Variants in LCN15 observed in about 807,000 individuals in gnomAD.
LCN15 encodes the protein lipocalin-15.
In LCN15, 26 loss-of-function variants were observed where a neutral mutation model predicts 23.1. The observed-to-expected ratio is 1.13, with a 90% CI of 0.82 to 1.56. The LOEUF is 1.56. LCN15 is among the 40% of genes most tolerant of loss of function. LCN15 has a pLI of 0.00. For synonymous variants in LCN15, 107 were observed against 98.3 expected (o/e 1.09, Z -0.52); for missense variants, 241 against 239.5 (o/e 1.01, Z -0.04).
At position 136,762,418 on chromosome 9, in the gene LCN15, G is replaced by A. The variant is rs984444456; in HGVS notation, c.419-129C>T. 2.9e-5 allele frequency: 19 copies of A among 651,958 alleles called. 1 individual carries two copies. Among genetic ancestry groups the A allele is most frequent in the South Asian group, 2.9e-4 (16 of 55,642 alleles). 40.4% of individuals were successfully genotyped at this position (651,958 alleles called of 1,614,324 possible). ...ACCCTGGGTTGGGCAGGTTGTGCGC[G>A]GCATAAAGCTCCTGCCTGGCTGAAG... On this transcript the variant is annotated intron_variant, in intron 4 of 6. Transcript: ENST00000316144.
At position 136,760,829 on chromosome 9, in the gene LCN15, T is replaced by C. The variant is rs1588312803; in HGVS notation, c.*32+958A>G. 2.6e-5 allele frequency among the ~76,000 whole-genome samples: 4 copies of C among 152,276 alleles called. 1 individual carries two copies. Among genetic ancestry groups the C allele is most frequent in the Admixed American group, 2.6e-4 (4 of 15,294 alleles). On this transcript the variant is annotated intron_variant, in intron 6 of 6. Transcript: ENST00000316144. The stretch of plus-strand genomic sequence containing the variant: ...TACAGCGGGGACACAGAGCTGTGGA[T>C]TGAATCGTGTCCCCAAAACTTCAGG...
At chr9:136,763,316 T>A (rs758848297) in intron 4 of LCN15, 41 bp downstream of exon 4, 11 of 1,124,650 alleles carry the variant, frequency 9.8e-6, no homozygotes, top group Non-Finnish European at 1.3e-5. Context: ...CTGTGGGAAG[T>A]TGGGGAGGGG....
intron 1 of LCN15, 125 bp downstream of exon 1, chr9:136,764,268 C>T: frequency 1.0e-6 from 1 of 961,552 alleles, no homozygotes; most frequent in East Asian, 2.6e-5. Flanking sequence ...CAGAGTGGGT[C>T]TATAGCACGT....
intron 4 of LCN15, 60 bp from the exon 5 acceptor site, chr9:136,762,349 C>A: frequency 5.2e-6 from 5 of 960,754 alleles, no homozygotes; most frequent in South Asian, 1.4e-5. Flanking sequence ...CACGGGGTCT[C>A]CTGGCCTCAC....
chr9:136,764,443 G>A lies in LCN15; in HGVS notation c.46C>T (p.Pro16Ser). The change falls in exon 1 of 7, where the codon CCC becomes TCC. Residue 16 changes from proline to serine, a missense_variant. Transcript: ENST00000316144. Reference protein sequence around the residue: ...LGAILTLLWAPTAQAEVLLQP... With the variant: ...LGAILTLLWASTAQAEVLLQP... ...AGCAGAACCTCAGCCTGAGCCGTGG[G>A]CGCCCAGAGCAGGGTCAGGATTGCG... The A allele has an allele frequency of 6.2e-7, 1 of 1,613,308 alleles. No individual in the cohort carries two copies. The highest frequency in any genetic ancestry group is 8.5e-7 in the Non-Finnish European group (1 of 1,179,814).
intron 4 of LCN15, 107 bp from the exon 5 acceptor site, chr9:136,762,396 C>G (rs907002371): frequency 7.0e-6 from 5 of 712,548 alleles, no homozygotes; most frequent in African/African-American, 5.5e-5. Flanking sequence ...GGCCGCCACC[C>G]TGGGTTGGGC....
At chr9:136,763,504 G>A in intron 3 of LCN15, 37 bp from the exon 4 acceptor site, 1 of 1,466,422 alleles carries the variant, frequency 6.8e-7, no homozygotes, top group Non-Finnish European at 9.4e-7. Flanking sequence ...GGCTGGAGAA[G>A]TGGATGGGCC....
Position 136,763,461 on chromosome 9 carries a change from C to A in LCN15, c.314G>T (p.Gly105Val). Residue 105 changes from glycine to valine, a missense_variant, in exon 4 of 7, where the codon GGC becomes GTC. Physicochemically the swap from Gly to Val is moderately radical, Grantham distance 109. Coordinates refer to ENST00000316144, the MANE Select transcript of LCN15 (RefSeq NM_203347.2). ...SEGHFRVPAL[G>V]YLDVRIVDTD... ...GTCCACGATGCGCACGTCCAGGTAG[C>A]CCAAGGCTGCGGAGAGGCAGGCGGC... 1 of 1,602,030 alleles carries A rather than the reference C, an allele frequency of 6.2e-7. No homozygotes were observed. Among genetic ancestry groups the A allele is most frequent in the Non-Finnish European group, 8.5e-7 (1 of 1,174,650 alleles).
At chr9:136,760,175 G>A (rs1231695195) in intron 6 of LCN15, among the ~76,000 whole-genome samples, 2 of 152,228 alleles carry the variant, frequency 1.3e-5, no homozygotes, top group Non-Finnish European at 2.9e-5. Flanking sequence ...CACGCGTGGT[G>A]GCCCAGGCGG....
intron 6 of LCN15, among the ~76,000 whole-genome samples, chr9:136,760,753 C>G (rs537537431): frequency 3.3e-5 from 5 of 152,356 alleles, no homozygotes; most frequent in Admixed American, 6.5e-5. Flanking sequence ...AAGGCTCCCA[C>G]AATTACAAGG....
rs1361736560 is a variant in LCN15 at position 136,761,931 on chromosome 9, C to G, written c.521-78G>C. On this transcript the variant is annotated intron_variant, in intron 5 of 6. Transcript: ENST00000316144. This position sits in a 1 kb window ranked among gnomAD's most constrained non-coding sequence, Gnocchi z 4.2. ...TCCCGCAGCCCCCAACCCCTGGGTG[C>G]CAAGGGCCACTGGACAGCTCCACCA... The G allele has an allele frequency of 8.5e-7, 1 of 1,173,340 alleles. No homozygotes were observed. Among genetic ancestry groups the G allele is most frequent in the Admixed American group, 4.1e-5 (1 of 24,418 alleles). The allele number at this position is 1,173,340 out of a possible 1,614,324, so 72.7% of individuals were successfully genotyped here. A position where few individuals can be genotyped will look rare whatever the true frequency, so the allele number is the denominator to read the frequency against.
rs763345370 is a variant in LCN15 at position 136,763,696 on chromosome 9, G to A, written c.307+17C>T. The A allele has an allele frequency of 6.2e-7, 1 of 1,612,496 alleles. No homozygotes were observed. The highest frequency in any genetic ancestry group is 1.3e-5 in the African/African-American group (1 of 74,890). On this transcript the variant is annotated intron_variant, in intron 3 of 6. Coordinates refer to ENST00000316144, the MANE Select transcript of LCN15 (RefSeq NM_203347.2). The stretch of plus-strand genomic sequence containing the variant: ...GCGGCATCCAGCACCCCTGAAGGCA[G>A]AGGAGGCAGGACCTACCCGGGACTC...
rs566989175 is a variant in LCN15 at position 136,761,988 on chromosome 9, C to G, written c.521-135G>C. 3 of 815,052 alleles carry G rather than the reference C, an allele frequency of 3.7e-6. No individual in the cohort carries two copies. The highest frequency in any genetic ancestry group is 3.6e-5 in the African/African-American group (2 of 55,444). 50.5% of individuals were successfully genotyped at this position (815,052 alleles called of 1,614,324 possible). A position where few individuals can be genotyped will look rare whatever the true frequency, so the allele number is the denominator to read the frequency against. On this transcript the variant is annotated intron_variant, in intron 5 of 6. Coordinates refer to ENST00000316144, the MANE Select transcript of LCN15 (RefSeq NM_203347.2). This position sits in a 1 kb window ranked among gnomAD's most constrained non-coding sequence, Gnocchi z 4.2. Reference sequence around the variant, plus strand: ...GAGAGTGGAGCCCAGAGCTTCCCTCCCAGCGCTGCCCAAAGCCTCTCCCGT... The same window carrying G: ...GAGAGTGGAGCCCAGAGCTTCCCTCGCAGCGCTGCCCAAAGCCTCTCCCGT...
chr9:136,762,149 G>A (rs1000070715), intron 5 of LCN15, 39 bp downstream of exon 5: 29 of 1,274,290 alleles, frequency 2.3e-5, no homozygotes, highest in Non-Finnish European at 3.2e-5. Flanking sequence ...GGGAGGGAGA[G>A]GCTGGGGGGC....
Position 136,761,910 on chromosome 9 carries a change from G to T in LCN15, c.521-57C>A. On this transcript the variant is annotated intron_variant, in intron 5 of 6. Coordinates refer to ENST00000316144, the MANE Select transcript of LCN15 (RefSeq NM_203347.2). The surrounding 1 kb of genome is among the most constrained non-coding windows in gnomAD (Gnocchi z 4.2). ...ACGGCCAGGACCGCCCTCGCTTCCC[G>T]CAGCCCCCAACCCCTGGGTGCCAAG... 1 of 1,294,234 alleles carries T rather than the reference G, an allele frequency of 7.7e-7. No individual in the cohort carries two copies. The allele number at this position is 1,294,234 out of a possible 1,614,324, so 80.2% of individuals were successfully genotyped here.
intron 3 of LCN15, 45 bp from the exon 4 acceptor site, chr9:136,763,512 G>C (rs779908584): frequency 4.9e-5 from 69 of 1,413,438 alleles, no homozygotes; most frequent in Non-Finnish European, 6.4e-5. Context: ...AAGTGGATGG[G>C]CCCGGGCACC....
intron 6 of LCN15, among the ~76,000 whole-genome samples, chr9:136,760,041 C>T (rs1035309338): frequency 2.2e-4 from 33 of 152,368 alleles, no homozygotes; most frequent in African/African-American, 7.7e-4. Context: ...AGTGCCATGC[C>T]CCAGTCCCTG....
chr9:136,760,630 C>T (rs1293317913), intron 6 of LCN15, among the ~76,000 whole-genome samples: 1 of 152,242 alleles, frequency 6.6e-6, no homozygotes, highest in Non-Finnish European at 1.5e-5. Flanking sequence ...AGCGGTCTCC[C>T]GGCGTCTGGT....
chr9:136,764,220 A>G, intron 1 of LCN15, 173 bp downstream of exon 1: 1 of 791,014 alleles, frequency 1.3e-6, no homozygotes, highest in Non-Finnish European at 2.0e-6. Flanking sequence ...AAGTGGGTGC[A>G]GTAATGATCC....
Sources: allele counts gnomAD v4.1 joint callset (sites outside exome capture counted in the v4.1 genomes callset), GRCh38; gene constraint gnomAD v4.1.1; non-coding constraint Gnocchi (gnomAD v3.1); transcripts MANE v1.5; gene names NCBI Gene and HGNC (gene_info 2026-07-23, HGNC 2026-07-21).